Variants in DOCK2 observed in about 807,000 individuals in gnomAD.
DOCK2 encodes dedicator of cytokinesis protein 2.
DOCK2 carries 87 observed loss-of-function variants against 248.9 expected under a neutral mutation model. The ratio of observed to expected loss-of-function variants is 0.35; its 90% CI spans 0.29 to 0.42. The LOEUF (loss-of-function observed/expected upper bound fraction) is 0.42, where lower values mean the gene tolerates loss of function less well. DOCK2 is among the 10% of genes least tolerant of loss of function. The pLI, the probability that DOCK2 is intolerant of heterozygous loss-of-function variation, is 1.00. For synonymous variants in DOCK2, 805 were observed against 821.6 expected, an observed-to-expected ratio of 0.98 and a Z score of 0.35; for missense variants, 1,747 against 2,300.2, an observed-to-expected ratio of 0.76 and a Z score of 4.92.
chr5:169,817,401 A>C (rs919200764), intron 26 of DOCK2, among the ~76,000 whole-genome samples: 4 of 152,218 alleles, frequency 2.6e-5, no homozygotes, highest in African/African-American at 7.2e-5. Flanking sequence ...GTCAGGTACC[A>C]TGCTAGGCCT....
Position 170,071,687 on chromosome 5 carries a change from G to T in DOCK2, c.4728+2467G>T, listed in dbSNP as rs550858888. On this transcript the variant is annotated intron_variant, in intron 46 of 51. Coordinates refer to ENST00000520908, the MANE Select transcript of DOCK2 (RefSeq NM_004946.3). ...CACCACCCAGATGAAATAGAATTCT[G>T]CTAGCTCCCCTAATCCTATCTTAGG... 2.2e-4 allele frequency among the ~76,000 whole-genome samples: 34 copies of T among 152,076 alleles called. No individual in the cohort carries two copies. The South Asian group carries it at 4.4e-3, about 20-fold the overall frequency.
intron 26 of DOCK2, among the ~76,000 whole-genome samples, chr5:169,813,083 C>T (rs1460364767): frequency 1.3e-5 from 2 of 152,176 alleles, no homozygotes; most frequent in African/African-American, 4.8e-5. Flanking sequence ...CGGGGAATTC[C>T]AGAACTTCAG....
intron 29 of DOCK2, among the ~76,000 whole-genome samples, chr5:169,995,665 T>C (rs1267955189): frequency 6.6e-6 from 1 of 152,258 alleles, no homozygotes. Flanking sequence ...ATCATTCATG[T>C]ATATACATGT....
At chr5:170,055,233 A>G (rs1757080878) in intron 41 of DOCK2, 72 bp from the exon 42 acceptor site, 1 of 1,486,680 alleles carries the variant, frequency 6.7e-7, no homozygotes, top group South Asian at 1.1e-5. Flanking sequence ...GGAAGGTCTC[A>G]GCAAGGACCA....
intron 1 of DOCK2, among the ~76,000 whole-genome samples, chr5:169,642,774 C>T (rs1757219814): frequency 1.3e-5 from 2 of 152,180 alleles, no homozygotes; most frequent in Non-Finnish European, 2.9e-5. Context: ...CCTCATTAGG[C>T]AGTGGACATC....
intron 27 of DOCK2, chr5:169,980,802 T>TG (rs1777914477): frequency 1.3e-5 from 2 of 152,200 alleles, no homozygotes; most frequent in African/African-American, 4.8e-5. Flanking sequence ...TACCACCCCC[T>TG]GGGGGCCTGA....
At chr5:169,821,177 C>G (rs1463082006) in intron 26 of DOCK2, among the ~76,000 whole-genome samples, 2 of 152,120 alleles carry the variant, frequency 1.3e-5, no homozygotes, top group African/African-American at 2.4e-5. Context: ...AGAATGAAAC[C>G]AAGTTGGAAA....
At chr5:169,986,466 C>T (rs1338837213) in intron 29 of DOCK2, among the ~76,000 whole-genome samples, 1 of 152,190 alleles carries the variant, frequency 6.6e-6, no homozygotes, top group African/African-American at 2.4e-5. Context: ...TTAACATCTC[C>T]TACACTATCA....
chr5:170,013,038 C>T (rs1437925082), intron 32 of DOCK2, among the ~76,000 whole-genome samples: 1 of 151,924 alleles, frequency 6.6e-6, no homozygotes, highest in East Asian at 1.9e-4. Flanking sequence ...GTAGTGGGGA[C>T]TCAGGAGTTC....
intron 22 of DOCK2, among the ~76,000 whole-genome samples, chr5:169,727,288 G>T (rs1361813144): frequency 6.6e-6 from 1 of 152,178 alleles, no homozygotes; most frequent in Non-Finnish European, 1.5e-5. Flanking sequence ...TAGGTATTAT[G>T]ATGTTCATTA....
At chr5:170,080,018 G>C in intron 49 of DOCK2, 145 bp from the exon 50 acceptor site, 2 of 1,414,112 alleles carry the variant, frequency 1.4e-6, no homozygotes, top group Non-Finnish European at 1.9e-6. Context: ...GCATGGAATG[G>C]TATAATACAG....
intron 22 of DOCK2, among the ~76,000 whole-genome samples, chr5:169,734,289 C>T (rs1030046207): frequency 1.3e-5 from 2 of 151,934 alleles, no homozygotes; most frequent in Non-Finnish European, 2.9e-5. Context: ...TTTCAAGCAT[C>T]TTTTTAATGT....
intron 27 of DOCK2, among the ~76,000 whole-genome samples, chr5:169,907,525 C>T (rs1774351341): frequency 6.6e-6 from 1 of 152,136 alleles, no homozygotes; most frequent in East Asian, 1.9e-4. Flanking sequence ...CACCACTTAG[C>T]GAAGACTAGT....
At chr5:169,753,367 C>A (rs994080629) in intron 23 of DOCK2, among the ~76,000 whole-genome samples, 2 of 149,174 alleles carry the variant, frequency 1.3e-5, no homozygotes, top group Admixed American at 6.6e-5. Context: ...CCCCCCCCCA[C>A]CCCCTGACAG....
At chr5:169,660,186 G>A (rs1053873359) in intron 2 of DOCK2, among the ~76,000 whole-genome samples, 2 of 152,082 alleles carry the variant, frequency 1.3e-5, no homozygotes, top group South Asian at 2.1e-4. Flanking sequence ...TGGGGTGGAG[G>A]AACTGTATCA....
At chr5:170,007,736 C>T (rs1399687644) in intron 30 of DOCK2, among the ~76,000 whole-genome samples, 3 of 152,170 alleles carry the variant, frequency 2.0e-5, no homozygotes, top group African/African-American at 7.2e-5. Context: ...TGGGTTAGCA[C>T]CAACAGATCA....
intron 26 of DOCK2, among the ~76,000 whole-genome samples, chr5:169,821,162 C>A (rs201749104): frequency 6.6e-6 from 1 of 151,720 alleles, no homozygotes; most frequent in Non-Finnish European, 1.5e-5. Context: ...CTGAAAGTGA[C>A]GTAGAGAATG....
At chr5:169,866,488 T>G (rs567683106) in intron 27 of DOCK2, among the ~76,000 whole-genome samples, 1 of 152,214 alleles carries the variant, frequency 6.6e-6, no homozygotes, top group Non-Finnish European at 1.5e-5. Flanking sequence ...ACACGCAGCA[T>G]AGAGTAGGCA....
chr5:169,899,177 G>A (rs949335903), intron 27 of DOCK2, among the ~76,000 whole-genome samples: 3 of 152,210 alleles, frequency 2.0e-5, no homozygotes, highest in Non-Finnish European at 4.4e-5. Context: ...TTAGCAAAGA[G>A]GAGAATGATG....
Sources: allele counts gnomAD v4.1 joint callset (sites outside exome capture counted in the v4.1 genomes callset), GRCh38; gene constraint gnomAD v4.1.1; transcripts MANE v1.5; gene names NCBI Gene and HGNC (gene_info 2026-07-23, HGNC 2026-07-21).